Variants in INPP5D observed in about 807,000 individuals in gnomAD.
INPP5D encodes the protein phosphatidylinositol 3,4,5-trisphosphate 5-phosphatase 1.
Under a neutral mutation model 122.9 loss-of-function variants are expected in INPP5D, and 33 were observed. The observed-to-expected ratio is 0.27, with a 90% CI of 0.20 to 0.36. The LOEUF (loss-of-function observed/expected upper bound fraction) is 0.36. Ranked by LOEUF, INPP5D falls within the 10% of genes least tolerant of loss-of-function variation. The pLI is 1.00. For missense variants in INPP5D, 1,053 were observed against 1,412.7 expected (o/e 0.75, Z 4.08); for synonymous variants, 584 against 576.2 (o/e 1.01, Z -0.19).
Position 233,183,620 on chromosome 2 carries a change from T to C in INPP5D, c.2162-788T>C, listed in dbSNP as rs763487635. On this transcript the variant is annotated intron_variant, in intron 19 of 26. Transcript: ENST00000445964. This position sits in a 1 kb window ranked among gnomAD's most constrained non-coding sequence, Gnocchi z 4.6. The stretch of plus-strand genomic sequence containing the variant: ...TCCTCTATTCCGGGGTAGGGCATCC[T>C]CCATGTCAGGCTGGGCTTCCCTCCA... Among the ~76,000 whole-genome samples, 37 of 152,282 alleles carry C rather than the reference T, an allele frequency of 2.4e-4. No homozygotes were observed. Among genetic ancestry groups the C allele is most frequent in the African/African-American group, 8.9e-4 (37 of 41,562 alleles).
intron 2 of INPP5D, among the ~76,000 whole-genome samples, chr2:233,085,014 TA>T (rs2106215505): frequency 6.6e-6 from 1 of 152,348 alleles, no homozygotes; most frequent in South Asian, 2.1e-4. Context: ...CATTCAAGAG[TA>T]ATTTGATAGA....
At chr2:233,194,426 C>T (rs1412761387) in intron 23 of INPP5D, among the ~76,000 whole-genome samples, 1 of 151,734 alleles carries the variant, frequency 6.6e-6, no homozygotes, top group African/African-American at 2.4e-5. Context: ...CAAACAGGCC[C>T]TCGTACGTAC....
At chr2:233,074,395 T>G (rs1299209444) in intron 1 of INPP5D, among the ~76,000 whole-genome samples, 1 of 152,184 alleles carries the variant, frequency 6.6e-6, no homozygotes, top group Non-Finnish European at 1.5e-5. Context: ...TCGGCCAGCC[T>G]CACCTCCATC....
At chr2:233,161,675 T>C in intron 10 of INPP5D, 49 bp from the exon 11 acceptor site, 3 of 1,566,760 alleles carry the variant, frequency 1.9e-6, no homozygotes, top group African/African-American at 1.4e-5. Context: ...AAGTGTAATG[T>C]GCAGGGAGGC....
In INPP5D at chr2:233,170,237, G is replaced by A; in HGVS notation, c.1791+73G>A. 2 of 1,563,548 alleles carry A rather than the reference G, an allele frequency of 1.3e-6. No homozygotes were observed. The highest frequency in any genetic ancestry group is 2.3e-5 in the South Asian group (2 of 86,402). The stretch of plus-strand genomic sequence containing the variant: ...GGCTCCCTTGAGTCAGCTTGGGGCA[G>A]GTGGTCGTGGAGACATGTGAATCAA... On this transcript the variant is annotated intron_variant, in intron 15 of 26. Transcript: ENST00000445964. This position sits in a 1 kb window ranked among gnomAD's most constrained non-coding sequence, Gnocchi z 4.5.
intron 4 of INPP5D, 146 bp from the exon 5 acceptor site, chr2:233,130,362 C>A: frequency 1.2e-6 from 1 of 862,014 alleles, no homozygotes. Flanking sequence ...GAACCTTCGT[C>A]CAGGTTTGCA....
At chr2:233,168,020 AAAAAAGAAAGAAAGGAAG>A (rs1694392748) in intron 13 of INPP5D, among the ~76,000 whole-genome samples, 2 of 117,860 alleles carry the variant, frequency 1.7e-5, no homozygotes, top group African/African-American at 5.5e-5. Flanking sequence ...AAAAAAAAAA[AAAAAAGAAAGAAAGGAAG>A]AAAAGAAAAT....
chr2:233,126,587 T>C (rs1421864627), intron 4 of INPP5D, among the ~76,000 whole-genome samples: 3 of 152,222 alleles, frequency 2.0e-5, no homozygotes, highest in Non-Finnish European at 2.9e-5. Context: ...CTATGTTGAT[T>C]GTCTCTATAT....
In INPP5D at chr2:233,185,856, T is replaced by C. The variant is rs1396003632; in HGVS notation, c.2289T>C (p.Ser763=). 1.2e-6 allele frequency: 2 copies of C among 1,603,394 alleles called. No individual in the cohort carries two copies. The highest frequency in any genetic ancestry group is 1.7e-4 in the Middle Eastern group (1 of 6,030). The change falls in exon 21 of 27, where the codon AGT becomes AGC. Residue 763 remains serine, a synonymous_variant. Coordinates refer to ENST00000445964, the MANE Select transcript of INPP5D (RefSeq NM_001017915.3). The part of the protein sequence containing the change: ...HSSCLESFVK[S]QEGENEEGSE... ...GTCCTCCAACAGGTTTTGTCAAGAG[T>C]CAGGAAGGAGAAAATGAAGAAGGAA...
chr2:233,204,606 C>T lies in INPP5D; in HGVS notation c.3456C>T (p.His1152=). 1.3e-6 allele frequency: 2 copies of T among 1,574,326 alleles called. No individual in the cohort carries two copies. Among genetic ancestry groups the T allele is most frequent in the Non-Finnish European group, 1.7e-6 (2 of 1,161,460 alleles). Reference sequence around the variant, plus strand: ...CAGTCAAGAGCCCGGCGGTGCTGCACCTCCAGCACTCCAAGGGCCGCGACT... The same window carrying T: ...CAGTCAAGAGCCCGGCGGTGCTGCATCTCCAGCACTCCAAGGGCCGCGACT... ...PLPVKSPAVL[H]LQHSKGRDYR... The change falls in exon 26 of 27, where the codon CAC becomes CAT. Residue 1152 remains histidine (H), a synonymous_variant. Coordinates refer to ENST00000445964, the MANE Select transcript of INPP5D (RefSeq NM_001017915.3).
chr2:233,157,748 CA>C lies in INPP5D; in HGVS notation c.1031-564del, dbSNP rs923251018. 4.0e-3 allele frequency among the ~76,000 whole-genome samples: 451 copies of C among 113,894 alleles called. 1 individual carries two copies. Among genetic ancestry groups the C allele is most frequent in the African/African-American group, 0.021 (431 of 20,078 alleles). 74.7% of individuals were successfully genotyped at this position (113,894 alleles called of 152,430 possible). A position where few individuals can be genotyped will look rare whatever the true frequency, so the allele number is the denominator to read the frequency against. ...AAACATCGGAAAGTATTAATCTAAGCATTTTTTTTTTTTAAGAAACAGAGTA... is the reference window on the plus strand; with the variant it reads ...AAACATCGGAAAGTATTAATCTAAGCTTTTTTTTTTTTAAGAAACAGAGTA... On this transcript the variant is annotated intron_variant, in intron 9 of 26. Transcript: ENST00000445964.
intron 9 of INPP5D, among the ~76,000 whole-genome samples, chr2:233,148,694 A>G (rs1693837958): frequency 6.6e-6 from 1 of 152,052 alleles, no homozygotes; most frequent in Non-Finnish European, 1.5e-5. Flanking sequence ...GCGAATGGAC[A>G]TCTTTCTTCA....
chr2:233,131,764 T>A (rs956782427), intron 5 of INPP5D, among the ~76,000 whole-genome samples: 2 of 152,222 alleles, frequency 1.3e-5, no homozygotes, highest in Admixed American at 1.3e-4. Context: ...GATTTCATAC[T>A]GGCAACGGTT....
chr2:233,127,888 A>G (rs1693209874), intron 4 of INPP5D, among the ~76,000 whole-genome samples: 1 of 152,234 alleles, frequency 6.6e-6, no homozygotes, highest in Non-Finnish European at 1.5e-5. Flanking sequence ...GATTATAGGC[A>G]TGAGCCACTG....
chr2:233,177,173 G>A lies in INPP5D; in HGVS notation c.1990-92G>A, dbSNP rs924865275. 79 of 1,528,674 alleles carry A rather than the reference G, an allele frequency of 5.2e-5. No individual in the cohort carries two copies. In the African/African-American group the frequency reaches 6.0e-4, roughly 12 times the overall value. 94.7% of individuals were successfully genotyped at this position (1,528,674 alleles called of 1,614,324 possible). ...AAAGCCAACAGCCGATGAATTTGAG[G>A]ATTACAGAGGCCACCAGTTAATCTG... On this transcript the variant is annotated intron_variant, in intron 17 of 26. Transcript: ENST00000445964. This position sits in a 1 kb window ranked among gnomAD's most constrained non-coding sequence, Gnocchi z 4.2.
intron 10 of INPP5D, 154 bp from the exon 11 acceptor site, chr2:233,161,570 A>T: frequency 9.2e-7 from 1 of 1,092,536 alleles, no homozygotes; most frequent in Non-Finnish European, 1.3e-6. Context: ...CCACTCGCTT[A>T]TGACTTTGGA....
chr2:233,184,195 C>T (rs944906577), intron 19 of INPP5D, among the ~76,000 whole-genome samples: 3 of 152,284 alleles, frequency 2.0e-5, no homozygotes, highest in East Asian at 1.9e-4. Flanking sequence ...CTTTCTGCCC[C>T]GCTCTCTGCC....
intron 6 of INPP5D, among the ~76,000 whole-genome samples, chr2:233,143,349 G>C (rs1331406773): frequency 6.6e-6 from 1 of 152,172 alleles, no homozygotes; most frequent in Non-Finnish European, 1.5e-5. Context: ...AGAGAGAGCC[G>C]GTGGGGGGCG....
intron 9 of INPP5D, among the ~76,000 whole-genome samples, chr2:233,154,991 C>T (rs373466205): frequency 4.6e-5 from 7 of 152,162 alleles, no homozygotes; most frequent in East Asian, 3.8e-4. Context: ...CCTGCCACAC[C>T]GGGATTACAG....
Sources: allele counts gnomAD v4.1 joint callset (sites outside exome capture counted in the v4.1 genomes callset), GRCh38; gene constraint gnomAD v4.1.1; non-coding constraint Gnocchi (gnomAD v3.1); transcripts MANE v1.5; gene names NCBI Gene and HGNC (gene_info 2026-07-23, HGNC 2026-07-21).